WDR49: variants seen among roughly 807,000 people sequenced by gnomAD.
WDR49 encodes the protein WD repeat domain 49, also known as cilia- and flagella-associated protein 337.
Under a neutral mutation model 119.5 loss-of-function variants are expected in WDR49, and 107 were observed. That is an observed-to-expected ratio of 0.90 (90% confidence interval 0.77 to 1.05). The LOEUF (loss-of-function observed/expected upper bound fraction) is 1.05. WDR49 is among the 50% of genes least tolerant of loss of function. The probability of loss-of-function intolerance (pLI) is 0.00; values close to 1 mark genes in which losing one functional copy is unlikely to be tolerated. For missense variants in WDR49, 1,240 were observed against 1,220.5 expected, an observed-to-expected ratio of 1.02 and a Z score of -0.24; for synonymous variants, 425 against 418.8, an observed-to-expected ratio of 1.01 and a Z score of -0.18.
intron 17 of WDR49, among the ~76,000 whole-genome samples, chr3:167,502,237 G>A (rs1209259032): frequency 6.6e-6 from 1 of 152,156 alleles, no homozygotes; most frequent in African/African-American, 2.4e-5. Flanking sequence ...TCACCAGAAG[G>A]TGGGCAAATG....
At chr3:167,537,091 C>T in intron 10 of WDR49, 91 bp from the exon 11 acceptor site, 1 of 1,280,220 alleles carries the variant, frequency 7.8e-7, no homozygotes, top group Non-Finnish European at 1.0e-6. Flanking sequence ...TGATCCAAGA[C>T]TTTTAAAAGA....
chr3:167,500,414 T>C, intron 17 of WDR49, 115 bp from the exon 18 acceptor site: 1 of 1,270,142 alleles, frequency 7.9e-7, no homozygotes, highest in Non-Finnish European at 1.1e-6. Flanking sequence ...AACCTTCCTG[T>C]TACTCAGCTG....
intron 15 of WDR49, among the ~76,000 whole-genome samples, chr3:167,525,268 C>A (rs560561416): frequency 6.6e-6 from 1 of 152,178 alleles, no homozygotes; most frequent in East Asian, 1.9e-4. Flanking sequence ...TATCCTGAGA[C>A]TTTGCTGAAG....
chr3:167,536,811 A>T (rs1472419818), intron 11 of WDR49, 59 bp downstream of exon 11: 1 of 1,380,404 alleles, frequency 7.2e-7, no homozygotes, highest in East Asian at 2.8e-5. Context: ...TGAGTGAGCC[A>T]AAACAAACCA....
intron 10 of WDR49, among the ~76,000 whole-genome samples, chr3:167,537,983 C>T (rs1711565160): frequency 6.6e-6 from 1 of 152,118 alleles, no homozygotes; most frequent in Non-Finnish European, 1.5e-5. Context: ...TTCCTGCCTC[C>T]TGATCTTTCT....
chr3:167,579,882 C>T (rs1714446942), intron 7 of WDR49, among the ~76,000 whole-genome samples: 1 of 151,950 alleles, frequency 6.6e-6, no homozygotes, highest in Non-Finnish European at 1.5e-5. Context: ...TTAGTATGGA[C>T]CCCTTCTAAG....
At chr3:167,547,451 C>A (rs985254353) in intron 10 of WDR49, among the ~76,000 whole-genome samples, 2 of 151,344 alleles carry the variant, frequency 1.3e-5, no homozygotes, top group African/African-American at 4.8e-5. Context: ...TACATACAAC[C>A]CACATCTAAC....
chr3:167,486,313 A>G (rs1750915119), intron 18 of WDR49, among the ~76,000 whole-genome samples: 1 of 152,170 alleles, frequency 6.6e-6, no homozygotes, highest in Non-Finnish European at 1.5e-5. Flanking sequence ...TTAAGTGCAT[A>G]GCCCACAGTT....
At chr3:167,559,657 A>T (rs954907854) in intron 9 of WDR49, among the ~76,000 whole-genome samples, 1 of 152,200 alleles carries the variant, frequency 6.6e-6, no homozygotes. Flanking sequence ...ATTTGCATCT[A>T]TGCCATTTTT....
At chr3:167,534,534 C>T (rs962598614) in intron 11 of WDR49, among the ~76,000 whole-genome samples, 14 of 152,106 alleles carry the variant, frequency 9.2e-5, no homozygotes, top group Admixed American at 9.2e-4. Context: ...AAAGTAATTT[C>T]ATTAGTCCTG....
At chr3:167,520,976 A>C (rs1277697687) in intron 16 of WDR49, among the ~76,000 whole-genome samples, 1 of 152,080 alleles carries the variant, frequency 6.6e-6, no homozygotes, top group Non-Finnish European at 1.5e-5. Context: ...ACATAGCCCA[A>C]ATAGCTTAAG....
rs1431806466 is a variant in WDR49, at chr3:167,536,732, T to TATAC, written c.1954+137_1954+138insGTAT. On this transcript the variant is annotated intron_variant, in intron 11 of 18. Coordinates refer to ENST00000682715, the MANE Select transcript of WDR49 (RefSeq NM_001366157.1). Reference sequence around the variant, plus strand: ...ACACACATATATATATATATATATATACACACACACACACATACATATACA... The same window carrying TATAC: ...ACACACATATATATATATATATATATATACACACACACACACACATACATATACA... 47 of 201,248 alleles carry TATAC rather than the reference T, an allele frequency of 2.3e-4. No homozygotes were observed. In the East Asian group the frequency reaches 3.8e-3, roughly 16 times the overall value. 12.5% of individuals were successfully genotyped at this position (201,248 alleles called of 1,614,324 possible). A position where few individuals can be genotyped will look rare whatever the true frequency, so the allele number is the denominator to read the frequency against.
intron 2 of WDR49, among the ~76,000 whole-genome samples, chr3:167,649,822 G>C (rs1048523657): frequency 6.6e-6 from 1 of 152,130 alleles, no homozygotes; most frequent in Non-Finnish European, 1.5e-5. Context: ...ATTTAGTAGG[G>C]CTTGGGCAAA....
At chr3:167,639,425 G>A (rs372359979) in intron 2 of WDR49, among the ~76,000 whole-genome samples, 1 of 151,658 alleles carries the variant, frequency 6.6e-6, no homozygotes, top group African/African-American at 2.4e-5. Context: ...AATAGGCCTA[G>A]AACCAAAAAT....
chr3:167,482,445 G>A (rs937915228), intron 18 of WDR49, among the ~76,000 whole-genome samples: 4 of 151,664 alleles, frequency 2.6e-5, no homozygotes, highest in Admixed American at 6.6e-5. Flanking sequence ...CGAGGCGGGC[G>A]GATCATGAGG....
chr3:167,550,619 T>C (rs1381772923), intron 10 of WDR49, among the ~76,000 whole-genome samples: 1 of 151,978 alleles, frequency 6.6e-6, no homozygotes, highest in East Asian at 1.9e-4. Context: ...TTTCAAGATG[T>C]ATACAAATAT....
At chr3:167,651,835 C>A (rs1718396901) in intron 2 of WDR49, among the ~76,000 whole-genome samples, 1 of 152,070 alleles carries the variant, frequency 6.6e-6, no homozygotes, top group Non-Finnish European at 1.5e-5. Flanking sequence ...GACTAATCTG[C>A]AGTTTGGAAA....
intron 2 of WDR49, among the ~76,000 whole-genome samples, chr3:167,637,824 G>A (rs1717693268): frequency 6.6e-6 from 1 of 151,498 alleles, no homozygotes; most frequent in Non-Finnish European, 1.5e-5. Context: ...GTATAGAAGT[G>A]CTACTGATTA....
intron 3 of WDR49, among the ~76,000 whole-genome samples, chr3:167,622,319 T>A (rs1716912322): frequency 6.6e-6 from 1 of 152,004 alleles, no homozygotes. Flanking sequence ...GGAGGATTAC[T>A]TGAGGCCAGG....
Sources: allele counts gnomAD v4.1 joint callset (sites outside exome capture counted in the v4.1 genomes callset), GRCh38; gene constraint gnomAD v4.1.1; transcripts MANE v1.5; gene names NCBI Gene and HGNC (gene_info 2026-07-23, HGNC 2026-07-21).